Variants in RUSC2 observed in about 807,000 individuals in gnomAD.
RUSC2 encodes AP-4 complex accessory subunit RUSC2.
In RUSC2, 34 loss-of-function variants were observed where a neutral mutation model predicts 122.2. That is an observed-to-expected ratio of 0.28 (90% CI 0.21 to 0.37). The LOEUF is 0.37. RUSC2 is among the 10% of genes least tolerant of loss of function. The pLI, the probability that RUSC2 is intolerant of heterozygous loss-of-function variation, is 1.00. For missense variants in RUSC2, 1,747 were observed against 1,952.4 expected, an observed-to-expected ratio of 0.89 and a Z score of 1.98; for synonymous variants, 784 against 790.0, an observed-to-expected ratio of 0.99 and a Z score of 0.13.
Position 35,561,458 on chromosome 9 carries a change from T to A in RUSC2, c.*76T>A. 4 of 1,263,456 alleles carry A rather than the reference T, an allele frequency of 3.2e-6. No individual in the cohort carries two copies. Among genetic ancestry groups the A allele is most frequent in the Non-Finnish European group, 4.4e-6 (4 of 901,520 alleles). The allele number at this position is 1,263,456 out of a possible 1,614,324, so 78.3% of individuals were successfully genotyped here. A position where few individuals can be genotyped will look rare whatever the true frequency, so the allele number is the denominator to read the frequency against. On this transcript the variant is annotated 3_prime_UTR_variant, in exon 12 of 12. Coordinates refer to ENST00000361226, the MANE Select transcript of RUSC2 (RefSeq NM_014806.5). The stretch of plus-strand genomic sequence containing the variant: ...GAGCCCGAGAGCCCTTCCCAAGCCA[T>A]TGGCTTGGCTGCAGAGTAGACTGAG...
chr9:35,547,569 G>C lies in RUSC2; in HGVS notation c.1048G>C (p.Gly350Arg). 1.2e-6 allele frequency: 2 copies of C among 1,614,168 alleles called. No individual in the cohort carries two copies. The highest frequency in any genetic ancestry group is 1.7e-6 in the Non-Finnish European group (2 of 1,180,014). The change falls in exon 2 of 12, where the codon GGT becomes CGT. Residue 350 changes from glycine to arginine, a missense_variant. Gly to Arg is a moderately radical substitution (Grantham distance 125). Transcript: ENST00000361226. The surrounding 1 kb of genome is among the most constrained non-coding windows in gnomAD (Gnocchi z 4.6). ...PESGGREGGY[G>R]CPHASSPELD... ...AAGTGGAGGAAGGGAAGGGGGCTAT[G>C]GTTGCCCTCATGCCTCTTCTCCTGA... is the stretch of plus-strand genomic sequence containing the variant.
chr9:35,550,233 G>T (rs1364296651), intron 2 of RUSC2, among the ~76,000 whole-genome samples: 2 of 151,830 alleles, frequency 1.3e-5, no homozygotes, highest in Non-Finnish European at 2.9e-5. Flanking sequence ...AAAGTAATTG[G>T]ATCACTGGTT....
chr9:35,561,323 C>T lies in RUSC2; in HGVS notation c.4492C>T (p.Leu1498=). ...TGGCCCCGACTCTGGCCTGGTGCCCCTGGCCTACGTGACATTGACCCCAAC... is the reference window on the plus strand; with the variant it reads ...TGGCCCCGACTCTGGCCTGGTGCCCTTGGCCTACGTGACATTGACCCCAAC... ...SRGPDSGLVP[L]AYVTLTPTPS... The change falls in exon 12 of 12, where the codon CTG becomes TTG. Residue 1498 remains leucine (L), a synonymous_variant. Transcript: ENST00000361226. 6.2e-7 allele frequency: 1 copy of T among 1,614,142 alleles called. No individual in the cohort carries two copies. The highest frequency in any genetic ancestry group is 2.2e-5 in the East Asian group (1 of 44,878).
intron 1 of RUSC2, among the ~76,000 whole-genome samples, chr9:35,521,704 A>G (rs1821218915): frequency 6.6e-6 from 1 of 152,174 alleles, no homozygotes; most frequent in Non-Finnish European, 1.5e-5. Context: ...TCGAAAGAGG[A>G]CTCTATATTA....
chr9:35,531,898 C>T (rs1191628196), intron 1 of RUSC2, among the ~76,000 whole-genome samples: 1 of 151,926 alleles, frequency 6.6e-6, no homozygotes, highest in Non-Finnish European at 1.5e-5. Context: ...TGGTGGCGGG[C>T]GCCTGTAGTC....
At position 35,555,068 on chromosome 9, in the gene RUSC2, AC is replaced by A; in HGVS notation, c.2025del (p.Glu676ArgfsTer166). 6.2e-7 allele frequency: 1 copy of A among 1,611,560 alleles called. No homozygotes were observed. Reference sequence around the variant, plus strand: ...CCATCCCTTTGCTACAGGGGGTGGCACCGAGAGCCGACCAGTCCTTCGCTAC... The same window carrying A: ...CCATCCCTTTGCTACAGGGGGTGGCACGAGAGCCGACCAGTCCTTCGCTAC... ...DARARADGGGTESRPVLRYSK... is the reference protein window; with the variant it reads ...DARARADGGGXESRPVLRYSK... On this transcript the variant is annotated frameshift_variant, in exon 3 of 12. Transcript: ENST00000361226. LOFTEE classifies it high-confidence loss of function. The surrounding 1 kb of genome is among the most constrained non-coding windows in gnomAD (Gnocchi z 4.6).
chr9:35,519,095 C>T (rs1214508654), intron 1 of RUSC2, among the ~76,000 whole-genome samples: 3 of 152,192 alleles, frequency 2.0e-5, no homozygotes, highest in Non-Finnish European at 4.4e-5. Flanking sequence ...CCTTCGTCTT[C>T]CCTGTCCTGT....
chr9:35,556,499 C>T (rs1822023582), intron 5 of RUSC2, 51 bp downstream of exon 5: 1 of 1,311,044 alleles, frequency 7.6e-7, no homozygotes, highest in East Asian at 2.6e-5. Context: ...ACTACCTCCT[C>T]ACACTTGCCC....
At position 35,560,470 on chromosome 9, in the gene RUSC2, G is replaced by C; in HGVS notation, c.3830G>C (p.Ser1277Thr). 1 of 1,614,224 alleles carries C rather than the reference G, an allele frequency of 6.2e-7. No homozygotes were observed. The highest frequency in any genetic ancestry group is 1.1e-5 in the South Asian group (1 of 91,090). Reference protein sequence around the residue: ...QAGWWYQLMQSSQVYIDGSIE... With the variant: ...QAGWWYQLMQTSQVYIDGSIE... ...GGCTGGTGGTACCAGCTCATGCAGA[G>C]CTCCCAGGTCTACATCGATGGCTCC... Residue 1277 changes from serine to threonine, a missense_variant, in exon 10 of 12, where the codon AGC becomes ACC. By Grantham distance (58) the Ser-to-Thr change is moderately conservative. Transcript: ENST00000361226.
intron 1 of RUSC2, among the ~76,000 whole-genome samples, chr9:35,518,089 CCTT>C (rs1207413671): frequency 2.0e-5 from 3 of 152,216 alleles, no homozygotes; most frequent in African/African-American, 7.2e-5. Context: ...AGATCAAACT[CCTT>C]TATCACTAGT....
rs114882030 is a variant in RUSC2, at chr9:35,543,785, T to G, written c.-92-2645T>G. Among the ~76,000 whole-genome samples the G allele has an allele frequency of 4.3e-3, 654 of 152,286 alleles. 4 individuals are homozygous for G. Among genetic ancestry groups the G allele is most frequent in the African/African-American group, 0.015 (621 of 41,568 alleles). ...CGCCTGGCCTGATTTCAGGACATTC[T>G]ATTTCTATGGATTTGCCTATTCTGG... On this transcript the variant is annotated intron_variant, in intron 1 of 11. Transcript: ENST00000361226.
chr9:35,542,226 A>G (rs140050210), intron 1 of RUSC2, among the ~76,000 whole-genome samples: 16 of 152,354 alleles, frequency 1.1e-4, no homozygotes, highest in Middle Eastern at 3.4e-3. Context: ...ATACAAAAGC[A>G]TAAAATAAAA....
chr9:35,493,069 G>T (rs1820600874), intron 1 of RUSC2, among the ~76,000 whole-genome samples: 1 of 151,910 alleles, frequency 6.6e-6, no homozygotes, highest in Non-Finnish European at 1.5e-5. Context: ...GGGGTTTGTT[G>T]TACAGATTAT....
intron 1 of RUSC2, among the ~76,000 whole-genome samples, chr9:35,540,667 G>A (rs1821625579): frequency 6.6e-6 from 1 of 152,178 alleles, no homozygotes; most frequent in African/African-American, 2.4e-5. Flanking sequence ...GGGACTGTAG[G>A]TTCATAGAAT....
intron 1 of RUSC2, among the ~76,000 whole-genome samples, chr9:35,528,960 A>T (rs905206571): frequency 6.6e-6 from 1 of 152,206 alleles, no homozygotes; most frequent in African/African-American, 2.4e-5. Context: ...AAGTTTAAAA[A>T]AGAAAACAAA....
chr9:35,496,792 T>C (rs1820723330), intron 1 of RUSC2, among the ~76,000 whole-genome samples: 1 of 152,112 alleles, frequency 6.6e-6, no homozygotes, highest in Non-Finnish European at 1.5e-5. Context: ...TAAAACAATA[T>C]GTAACAGATC....
intron 1 of RUSC2, among the ~76,000 whole-genome samples, chr9:35,529,772 T>C (rs917162114): frequency 5.3e-5 from 8 of 151,866 alleles, no homozygotes; most frequent in Non-Finnish European, 2.9e-5. Flanking sequence ...TAATGAAGGG[T>C]TTAAGATCTT....
chr9:35,543,707 G>A (rs1821688343), intron 1 of RUSC2, among the ~76,000 whole-genome samples: 1 of 152,100 alleles, frequency 6.6e-6, no homozygotes, highest in Non-Finnish European at 1.5e-5. Context: ...GACCTCAAAT[G>A]ATCCGCCCGC....
intron 1 of RUSC2, among the ~76,000 whole-genome samples, chr9:35,491,287 A>G (rs1190313177): frequency 6.6e-6 from 1 of 152,176 alleles, no homozygotes; most frequent in Non-Finnish European, 1.5e-5. Flanking sequence ...GAAAGTAGTT[A>G]CCTAATTAGT....
Sources: allele counts gnomAD v4.1 joint callset (sites outside exome capture counted in the v4.1 genomes callset), GRCh38; gene constraint gnomAD v4.1.1; non-coding constraint Gnocchi (gnomAD v3.1); transcripts MANE v1.5; gene names NCBI Gene and HGNC (gene_info 2026-07-23, HGNC 2026-07-21).